Variants in OR7C1 observed in about 807,000 individuals in gnomAD.
The protein encoded by OR7C1 is olfactory receptor family 7 subfamily C member 1, also known as olfactory receptor 7C1.
For synonymous variants in OR7C1, 152 were observed against 160.7 expected, an observed-to-expected ratio of 0.95 and a Z score of 0.41; for missense variants, 324 against 383.3, an observed-to-expected ratio of 0.85 and a Z score of 1.29.
intron 1 of OR7C1, chr19:14,825,825 A>G (rs2044763606): frequency 6.6e-6 from 1 of 152,522 alleles, no homozygotes; most frequent in South Asian, 2.1e-4. Flanking sequence ...TAGACTCCCT[A>G]TGAGACAAGA....
At chr19:14,817,293 G>A (rs558976504) in intron 1 of OR7C1, among the ~76,000 whole-genome samples, 1 of 152,216 alleles carries the variant, frequency 6.6e-6, no homozygotes, top group Admixed American at 6.5e-5. Context: ...TGGTGTATAT[G>A]TACCACGTTT....
At chr19:14,824,800 C>A (rs547115840) in intron 1 of OR7C1, 1 of 152,196 alleles carries the variant, frequency 6.6e-6, no homozygotes, top group South Asian at 2.1e-4. Context: ...AATCTCCAAA[C>A]CGCTTCCCAC....
chr19:14,831,282 A>G (rs2145084384), intron 1 of OR7C1, among the ~76,000 whole-genome samples: 1 of 152,268 alleles, frequency 6.6e-6, no homozygotes, highest in East Asian at 1.9e-4. Context: ...AAACAATGAC[A>G]AGATTTGGGC....
At position 14,802,031 on chromosome 19, in the gene OR7C1, A is replaced by G. The variant is rs16979919; in HGVS notation, c.-434-1267T>C. On this transcript the variant is annotated intron_variant, in intron 2 of 4. Transcript: ENST00000641666. ...CAGTCAGGAATCTGGAAAACAGTCA[A>G]AGGTTTAGAGCAACAAAGTGAATCC... is the stretch of plus-strand genomic sequence containing the variant. Among the ~76,000 whole-genome samples, 714 of 152,300 alleles carry G rather than the reference A, an allele frequency of 4.7e-3. 10 individuals are homozygous for G. In the East Asian group the frequency reaches 0.074, roughly 16 times the overall value.
chr19:14,827,399 G>C (rs2044779066), intron 1 of OR7C1: 3 of 1,613,908 alleles, frequency 1.9e-6, no homozygotes, highest in Non-Finnish European at 2.5e-6. Context: ...GCATGGGGGT[G>C]ACCACAGTGT....
In OR7C1 at chr19:14,801,746, T is replaced by C. The variant is rs555538191; in HGVS notation, c.-434-982A>G. On this transcript the variant is annotated intron_variant, in intron 2 of 4. Coordinates refer to ENST00000641666, the Ensembl canonical transcript of OR7C1. ...GGAGGCCTCAGGAAACTTACAATTA[T>C]GGTGGAAGGGGAAGAGGAAGCAAGC... 1.6e-4 allele frequency among the ~76,000 whole-genome samples: 25 copies of C among 152,306 alleles called. 1 individual carries two copies. Among genetic ancestry groups the C allele is most frequent in the Middle Eastern group, 3.4e-3 (1 of 294 alleles).
chr19:14,806,869 G>C (rs1389212437), intron 2 of OR7C1, among the ~76,000 whole-genome samples: 3 of 151,908 alleles, frequency 2.0e-5, no homozygotes, highest in Non-Finnish European at 4.4e-5. Context: ...ATTTATAATA[G>C]GATGAATTAT....
At chr19:14,828,733 C>T (rs1045351830) in intron 1 of OR7C1, among the ~76,000 whole-genome samples, 1 of 129,454 alleles carries the variant, frequency 7.7e-6, no homozygotes, top group Non-Finnish European at 1.5e-5. Context: ...GCACTCCAGC[C>T]TGGTGACAGA....
chr19:14,806,066 A>G (rs1013655388), intron 2 of OR7C1, among the ~76,000 whole-genome samples: 3 of 151,948 alleles, frequency 2.0e-5, no homozygotes, highest in African/African-American at 7.3e-5. Context: ...TGTACTATTT[A>G]GAGTCTAAAT....
At chr19:14,799,111 ATTGATG>A in exon 5 of OR7C1, 1 of 1,521,916 alleles carries the variant, frequency 6.6e-7, no homozygotes, top group Non-Finnish European at 8.8e-7. Flanking sequence ...AAGAGAATAC[ATTGATG>A]TTTGGATACA....
intron 1 of OR7C1, among the ~76,000 whole-genome samples, chr19:14,811,748 A>G (rs1424704131): frequency 1.3e-5 from 2 of 151,978 alleles, no homozygotes; most frequent in Non-Finnish European, 2.9e-5. Context: ...ACTAAAATTT[A>G]AAGAAAAGTT....
At chr19:14,829,845 G>C (rs1442976709) in intron 1 of OR7C1, among the ~76,000 whole-genome samples, 1 of 152,114 alleles carries the variant, frequency 6.6e-6, no homozygotes, top group African/African-American at 2.4e-5. Context: ...CCAAAGACAT[G>C]CAGCCACACA....
chr19:14,813,108 CA>C (rs1299334756), intron 1 of OR7C1, among the ~76,000 whole-genome samples: 5 of 150,910 alleles, frequency 3.3e-5, no homozygotes, highest in Admixed American at 6.6e-5. Flanking sequence ...GTGTCCAAAC[CA>C]GAAAACATTT....
Position 14,834,137 on chromosome 19 carries a change from C to T in OR7C1, c.-623+937G>A, listed in dbSNP as rs947719536. ...ATTAGCCTAGCATGGTGGTGCACACCAGTAGTTCCAGCTACTTGGGAGACT... is the reference window on the plus strand; with the variant it reads ...ATTAGCCTAGCATGGTGGTGCACACTAGTAGTTCCAGCTACTTGGGAGACT... On this transcript the variant is annotated intron_variant, in intron 1 of 4. Transcript: ENST00000641666. Among the ~76,000 whole-genome samples the T allele has an allele frequency of 2.0e-5, 3 of 152,202 alleles. No homozygotes were observed. The South Asian group carries it at 6.2e-4, about 32-fold the overall frequency.
At chr19:14,810,970 T>TAA (rs1044619290) in intron 1 of OR7C1, among the ~76,000 whole-genome samples, 1 of 151,862 alleles carries the variant, frequency 6.6e-6, no homozygotes, top group Non-Finnish European at 1.5e-5. Context: ...GGAATTTGGA[T>TAA]AAAAAATAAT....
intron 1 of OR7C1, among the ~76,000 whole-genome samples, chr19:14,812,520 C>T (rs948144793): frequency 1.3e-5 from 2 of 152,150 alleles, no homozygotes; most frequent in Non-Finnish European, 2.9e-5. Context: ...GTCACGTACC[C>T]CCTGCTTGCT....
intron 2 of OR7C1, among the ~76,000 whole-genome samples, chr19:14,807,228 G>A (rs2044669901): frequency 6.6e-6 from 1 of 151,764 alleles, no homozygotes; most frequent in Admixed American, 6.6e-5. Context: ...CTTCTATTAA[G>A]CACTTTTTTG....
chr19:14,799,632 A>G, exon 5 of OR7C1: 2 of 1,603,320 alleles, frequency 1.2e-6, no homozygotes, highest in Non-Finnish European at 8.5e-7. Flanking sequence ...ATTTCGGTGC[A>G]GAAGGACAGC....
chr19:14,804,680 G>T (rs762036427), intron 2 of OR7C1, among the ~76,000 whole-genome samples: 1 of 151,816 alleles, frequency 6.6e-6, no homozygotes, highest in Non-Finnish European at 1.5e-5. Context: ...ATAACGAGTC[G>T]CAGGGACTGG....
Sources: allele counts gnomAD v4.1 joint callset (sites outside exome capture counted in the v4.1 genomes callset), GRCh38; gene constraint gnomAD v4.1.1; transcripts MANE v1.5; gene names NCBI Gene and HGNC (gene_info 2026-07-23, HGNC 2026-07-21).